Variants in OSBPL10 observed in about 807,000 individuals in gnomAD.
OSBPL10 encodes oxysterol-binding protein-related protein 10.
A neutral mutation model predicts 81.7 loss-of-function variants in OSBPL10; 49 were observed. That is an observed-to-expected ratio of 0.60 (90% CI 0.48 to 0.76). The LOEUF (loss-of-function observed/expected upper bound fraction) is 0.76, where lower values mean the gene tolerates loss of function less well. Ranked by LOEUF, OSBPL10 falls within the 30% of genes least tolerant of loss-of-function variation. OSBPL10 has a pLI of 0.00. For synonymous variants in OSBPL10, 419 were observed against 383.6 expected, an observed-to-expected ratio of 1.09 and a Z score of -1.08; for missense variants, 923 against 987.8, an observed-to-expected ratio of 0.93 and a Z score of 0.88.
intron 4 of OSBPL10, among the ~76,000 whole-genome samples, chr3:31,810,235 T>C (rs535197921): frequency 7.2e-5 from 11 of 152,284 alleles, no homozygotes; most frequent in Middle Eastern, 3.4e-3. Context: ...CCATAATGAT[T>C]GAAGTAGTCT....
intron 3 of OSBPL10, among the ~76,000 whole-genome samples, chr3:31,860,326 G>A (rs1701027713): frequency 6.6e-6 from 1 of 152,156 alleles, no homozygotes; most frequent in South Asian, 2.1e-4. Context: ...CCAGGTCTAT[G>A]GAGATGTAAA....
At chr3:31,856,431 A>G (rs1192744684) in intron 3 of OSBPL10, among the ~76,000 whole-genome samples, 3 of 152,214 alleles carry the variant, frequency 2.0e-5, no homozygotes, top group Admixed American at 6.5e-5. Flanking sequence ...GCTTAATAAA[A>G]CATGAAAGCA....
chr3:32,060,428 C>A (rs1483001789), intron 1 of OSBPL10, among the ~76,000 whole-genome samples: 1 of 152,196 alleles, frequency 6.6e-6, no homozygotes, highest in African/African-American at 2.4e-5. Flanking sequence ...AACTTCTTGT[C>A]CTTTCTTAAC....
intron 4 of OSBPL10, among the ~76,000 whole-genome samples, chr3:31,814,955 C>G (rs930734589): frequency 6.6e-6 from 1 of 152,168 alleles, no homozygotes; most frequent in South Asian, 2.1e-4. Context: ...GTTCTCTGTT[C>G]CGTAAGCCAT....
At chr3:31,803,931 C>T (rs140546443) in intron 4 of OSBPL10, among the ~76,000 whole-genome samples, 72 of 152,174 alleles carry the variant, frequency 4.7e-4, no homozygotes, top group African/African-American at 1.4e-3. Flanking sequence ...CACTTGGTTG[C>T]GGTGGTGTCC....
chr3:31,706,943 T>TCCCAC (rs1696087406), intron 6 of OSBPL10, among the ~76,000 whole-genome samples: 1 of 150,386 alleles, frequency 6.6e-6, no homozygotes, highest in Non-Finnish European at 1.5e-5. Context: ...GACAGATGAC[T>TCCCAC]CCCACCCCAC....
intron 2 of OSBPL10, among the ~76,000 whole-genome samples, chr3:32,023,761 C>T (rs1699378823): frequency 2.6e-5 from 4 of 152,186 alleles, no homozygotes; most frequent in Admixed American, 2.0e-4. Flanking sequence ...TCCAAGACCC[C>T]TCAGTGGATA....
chr3:32,042,236 G>A (rs1011844893), intron 2 of OSBPL10, among the ~76,000 whole-genome samples: 1 of 152,168 alleles, frequency 6.6e-6, no homozygotes, highest in Admixed American at 6.5e-5. Context: ...CCACCTTTAA[G>A]TCTTTCTAGT....
At position 31,833,539 on chromosome 3, in the gene OSBPL10, T is replaced by C. The variant is rs1700294949; in HGVS notation, c.538-3308A>G. Among the ~76,000 whole-genome samples, 4 of 152,302 alleles carry C rather than the reference T, an allele frequency of 2.6e-5. No individual in the cohort carries two copies. The South Asian group carries it at 8.3e-4, about 32-fold the overall frequency. ...GAACAATGAAAACCTTATGGATTTTTAAAATGTTAAGAAGTTGCTTAGCAC... is the reference window on the plus strand; with the variant it reads ...GAACAATGAAAACCTTATGGATTTTCAAAATGTTAAGAAGTTGCTTAGCAC... On this transcript the variant is annotated intron_variant, in intron 3 of 11. Transcript: ENST00000396556.
At chr3:31,946,386 ATT>A (rs1324699446) in intron 1 of OSBPL10, among the ~76,000 whole-genome samples, 1 of 142,554 alleles carries the variant, frequency 7.0e-6, no homozygotes, top group Non-Finnish European at 1.5e-5. Flanking sequence ...TAAGAATTTT[ATT>A]AAGTTGTTTT....
intron 2 of OSBPL10, among the ~76,000 whole-genome samples, chr3:32,010,266 G>A (rs1457451103): frequency 6.6e-6 from 1 of 152,102 alleles, no homozygotes; most frequent in Non-Finnish European, 1.5e-5. Flanking sequence ...AACCAAGACT[G>A]CCAGTGCCTT....
intron 3 of OSBPL10, among the ~76,000 whole-genome samples, chr3:31,863,515 G>A (rs1278656752): frequency 6.6e-6 from 1 of 152,208 alleles, no homozygotes; most frequent in Non-Finnish European, 1.5e-5. Flanking sequence ...AATCTACTCT[G>A]TGCCTCAGTG....
At chr3:31,729,403 A>C (rs1696897300) in intron 6 of OSBPL10, among the ~76,000 whole-genome samples, 1 of 152,120 alleles carries the variant, frequency 6.6e-6, no homozygotes, top group South Asian at 2.1e-4. Context: ...CTGGAGGAGC[A>C]GACATCAGGG....
chr3:31,693,451 G>A (rs976216432), intron 7 of OSBPL10, among the ~76,000 whole-genome samples: 5 of 152,272 alleles, frequency 3.3e-5, no homozygotes, highest in East Asian at 3.9e-4. Context: ...TGTTGGGAAA[G>A]TAAATAACGC....
In OSBPL10 at chr3:31,756,757, T is replaced by C. The variant is rs373889942; in HGVS notation, c.730-8637A>G. Among the ~76,000 whole-genome samples, 8 of 152,348 alleles carry C rather than the reference T, an allele frequency of 5.3e-5. No homozygotes were observed. In the South Asian group the frequency reaches 1.7e-3, roughly 32 times the overall value. On this transcript the variant is annotated intron_variant, in intron 4 of 11. Coordinates refer to ENST00000396556, the MANE Select transcript of OSBPL10 (RefSeq NM_017784.5). The stretch of plus-strand genomic sequence containing the variant: ...GACATGGAAATTCAACATGATCTTC[T>C]CTAGTGTATTTACATTTGAAATTTT...
chr3:31,852,730 C>T (rs2125579902), intron 3 of OSBPL10, among the ~76,000 whole-genome samples: 1 of 152,238 alleles, frequency 6.6e-6, no homozygotes, highest in Non-Finnish European at 1.5e-5. Context: ...AGGCACACGC[C>T]ACCATGCCTG....
intron 1 of OSBPL10, among the ~76,000 whole-genome samples, chr3:32,054,526 C>CTTTTTTTTT (rs755489489): frequency 1.4e-3 from 118 of 86,614 alleles, no homozygotes; most frequent in East Asian, 3.0e-3. Flanking sequence ...TCAATGGTGG[C>CTTTTTTTTT]TTTTTTTTTT....
intron 4 of OSBPL10, among the ~76,000 whole-genome samples, chr3:31,751,422 A>G (rs1697718686): frequency 2.6e-5 from 4 of 152,054 alleles, no homozygotes; most frequent in African/African-American, 7.2e-5. Context: ...AAAAGTATTC[A>G]TCCGTATTTA....
At chr3:31,871,076 G>A (rs900769398) in intron 3 of OSBPL10, among the ~76,000 whole-genome samples, 4 of 152,308 alleles carry the variant, frequency 2.6e-5, no homozygotes, top group South Asian at 2.1e-4. Context: ...GGCCAGATAA[G>A]AGAATAAAAG....
Sources: gnomAD v4.1 joint callset for allele counts (sites outside exome capture counted in the v4.1 genomes callset) on GRCh38, gnomAD v4.1.1 for gene constraint, MANE v1.5 for transcripts, NCBI Gene and HGNC (gene_info 2026-07-23, HGNC 2026-07-21) for gene names.